ENKUR: variants seen among roughly 807,000 people sequenced by gnomAD.
ENKUR encodes enkurin.
In ENKUR, 19 loss-of-function variants were observed where a neutral mutation model predicts 27.6. The observed-to-expected ratio is 0.69, with a 90% CI of 0.48 to 1.01. The LOEUF (loss-of-function observed/expected upper bound fraction) is 1.01, where lower values mean the gene tolerates loss of function less well. ENKUR is among the 50% of genes least tolerant of loss of function. The probability of loss-of-function intolerance (pLI) is 0.00; values close to 1 mark genes in which losing one functional copy is unlikely to be tolerated. For synonymous variants in ENKUR, 117 were observed against 96.9 expected, an observed-to-expected ratio of 1.21 and a Z score of -1.22; for missense variants, 312 against 310.5, an observed-to-expected ratio of 1.00 and a Z score of -0.04.
chr10:24,995,711 T>C lies in ENKUR; in HGVS notation c.382A>G (p.Lys128Glu). The change falls in exon 3 of 6, where the codon AAA (lysine) becomes GAA (glutamate). Residue 128 changes from lysine to glutamate, a missense_variant. Physicochemically the swap from Lys to Glu is moderately conservative, Grantham distance 56. Coordinates refer to ENST00000331161, the MANE Select transcript of ENKUR (RefSeq NM_145010.4). ...AKKPKPIYVD[K>E]RTGDKHDLEP... ...AGATCATGCTTGTCTCCAGTTCTTT[T>C]ATCAACATAAATTGGTTTAGGCTTT... 1 of 1,614,118 alleles carries C rather than the reference T, an allele frequency of 6.2e-7. No individual in the cohort carries two copies. The highest frequency in any genetic ancestry group is 8.5e-7 in the Non-Finnish European group (1 of 1,179,998).
chr10:25,033,035 AAGT>A (rs1038029522), intron 2 of ENKUR, among the ~76,000 whole-genome samples: 9 of 152,162 alleles, frequency 5.9e-5, no homozygotes, highest in Admixed American at 2.0e-4. Flanking sequence ...TTACAGGTAA[AAGT>A]AGTGATACTG....
chr10:25,061,047 T>C, intron 2 of ENKUR: 1 of 1,449,534 alleles, frequency 6.9e-7, no homozygotes, highest in African/African-American at 1.4e-5. Context: ...AGGATATCTC[T>C]AAGGCCCCCT....
intron 5 of ENKUR, 50 bp downstream of exon 5, chr10:24,984,686 G>C: frequency 6.7e-7 from 1 of 1,502,646 alleles, no homozygotes; most frequent in Non-Finnish European, 9.0e-7. Context: ...TATTTTCCAT[G>C]TTTTTTTCCC....
At position 24,995,816 on chromosome 10, in the gene ENKUR, C is replaced by T. The variant is rs1231310414; in HGVS notation, c.277G>A (p.Asp93Asn). The T allele has an allele frequency of 1.2e-6, 2 of 1,613,968 alleles. No homozygotes were observed. The highest frequency in any genetic ancestry group is 3.3e-5 in the Admixed American group (2 of 60,014). The change falls in exon 3 of 6, where the codon GAT (aspartate) becomes AAT (asparagine). Residue 93 changes from aspartate (D) to asparagine (N), a missense_variant. Transcript: ENST00000331161. ...PKKPAVPLKT[D>N]HPVMGIQSGK... is the part of the protein sequence containing the mutation. ...CTCTGTATTCCCATGACAGGATGAT[C>T]AGTCTTCAATGGCACAGCAGGCTTT...
chr10:25,059,440 A>T (rs183045276), intron 2 of ENKUR, among the ~76,000 whole-genome samples: 8 of 151,988 alleles, frequency 5.3e-5, no homozygotes, highest in African/African-American at 1.9e-4. Context: ...CCTTGTCCTA[A>T]TTTTCTTAGT....
chr10:25,011,684 A>G (rs1278233187), intron 1 of ENKUR, among the ~76,000 whole-genome samples: 1 of 152,216 alleles, frequency 6.6e-6, no homozygotes, highest in Non-Finnish European at 1.5e-5. Context: ...CAAGGTTTTC[A>G]TGTCTAAAAC....
intron 2 of ENKUR, among the ~76,000 whole-genome samples, chr10:25,036,534 T>G (rs1407862073): frequency 6.6e-6 from 1 of 152,204 alleles, no homozygotes; most frequent in African/African-American, 2.4e-5. Context: ...ATCACAGTTT[T>G]GCACAGACTA....
At chr10:25,039,505 G>A (rs148889560) in intron 2 of ENKUR, among the ~76,000 whole-genome samples, 148 of 152,284 alleles carry the variant, frequency 9.7e-4, no homozygotes, top group African/African-American at 2.8e-3. Context: ...ACTTGAGCCC[G>A]AGAGGTGGAG....
chr10:24,999,612 A>G (rs1285759582), intron 1 of ENKUR, 66 bp from the exon 2 acceptor site: 1 of 1,365,594 alleles, frequency 7.3e-7, no homozygotes, highest in Non-Finnish European at 1.0e-6. Flanking sequence ...AGTTTACTTA[A>G]AGTTTAAATC....
At chr10:25,040,516 G>A (rs2130470237) in intron 2 of ENKUR, among the ~76,000 whole-genome samples, 1 of 151,688 alleles carries the variant, frequency 6.6e-6, no homozygotes, top group Non-Finnish European at 1.5e-5. Flanking sequence ...GACTACAGGC[G>A]CCTGCCACCA....
chr10:25,016,656 C>T (rs527852587), upstream of ENKUR: 3 of 152,598 alleles, frequency 2.0e-5, no homozygotes, highest in Non-Finnish European at 2.9e-5. Flanking sequence ...GGCGCAGAGT[C>T]CACTGCGCGG....
intron 2 of ENKUR, among the ~76,000 whole-genome samples, chr10:25,055,320 A>G (rs1851241133): frequency 6.6e-6 from 1 of 151,670 alleles, no homozygotes; most frequent in East Asian, 1.9e-4. Flanking sequence ...TTTACCATAC[A>G]GGCCACTTCT....
At chr10:25,021,256 C>T (rs935419414) in intron 2 of ENKUR, among the ~76,000 whole-genome samples, 3 of 152,120 alleles carry the variant, frequency 2.0e-5, no homozygotes, top group Non-Finnish European at 4.4e-5. Context: ...TTATTATAGA[C>T]ACTTATATAG....
chr10:25,022,009 C>G (rs1850728404), intron 2 of ENKUR: 1 of 151,986 alleles, frequency 6.6e-6, no homozygotes, highest in East Asian at 1.9e-4. Flanking sequence ...TAAAAGTTTT[C>G]AGAACATATT....
rs1850036909 is a variant in ENKUR, at chr10:24,995,775, T to C, written c.318A>G (p.Ile106Met). Residue 106 changes from isoleucine (I) to methionine (M), a missense_variant, in exon 3 of 6, where the codon ATA (isoleucine) becomes ATG (methionine). By Grantham distance (10) the Ile-to-Met change is conservative (BLOSUM62 1). Transcript: ENST00000331161. ...TGATGATATCAGCTGCATTTGTATTTATAAAATTTTTTCCACTCTGTATTC... is the reference window on the plus strand; with the variant it reads ...TGATGATATCAGCTGCATTTGTATTCATAAAATTTTTTCCACTCTGTATTC... ...VMGIQSGKNFINTNAADIIMG... is the reference protein window; with the variant it reads ...VMGIQSGKNFMNTNAADIIMG... The C allele has an allele frequency of 1.2e-6, 2 of 1,613,972 alleles. No individual in the cohort carries two copies. Among genetic ancestry groups the C allele is most frequent in the Non-Finnish European group, 1.7e-6 (2 of 1,180,010 alleles).
intron 2 of ENKUR, among the ~76,000 whole-genome samples, chr10:25,033,839 C>G (rs1335441321): frequency 1.2e-5 from 1 of 86,838 alleles, no homozygotes; most frequent in Admixed American, 1.6e-4. Context: ...ATCTATCTAT[C>G]TATCTATCTA....
intron 2 of ENKUR, among the ~76,000 whole-genome samples, chr10:25,047,471 T>C (rs2130480496): frequency 6.6e-6 from 1 of 152,346 alleles, no homozygotes; most frequent in East Asian, 1.9e-4. Context: ...TAAAGTGGAA[T>C]AGTGTTTCCT....
At chr10:25,010,785 T>C (rs1229685916) in intron 1 of ENKUR, among the ~76,000 whole-genome samples, 1 of 145,524 alleles carries the variant, frequency 6.9e-6, no homozygotes, top group Non-Finnish European at 1.5e-5. Flanking sequence ...CATCATTTTT[T>C]ATGGCTGCAT....
At chr10:25,035,185 A>G (rs1286603010) in intron 2 of ENKUR, among the ~76,000 whole-genome samples, 1 of 152,326 alleles carries the variant, frequency 6.6e-6, no homozygotes, top group South Asian at 2.1e-4. Flanking sequence ...CTTTTTGTCC[A>G]TGAACTCAGT....
Sources: gnomAD v4.1 joint callset for allele counts (sites outside exome capture counted in the v4.1 genomes callset) on GRCh38, gnomAD v4.1.1 for gene constraint, MANE v1.5 for transcripts, NCBI Gene and HGNC (gene_info 2026-07-23, HGNC 2026-07-21) for gene names.